Variants in TTC8 observed in about 807,000 individuals in gnomAD.
TTC8 encodes tetratricopeptide repeat protein 8.
A neutral mutation model predicts 72.5 loss-of-function variants in TTC8; 47 were observed. That is an observed-to-expected ratio of 0.65 (90% CI 0.51 to 0.83). The LOEUF (loss-of-function observed/expected upper bound fraction) is 0.83, where lower values mean the gene tolerates loss of function less well. TTC8 is among the 40% of genes least tolerant of loss of function. The pLI is 0.00. For synonymous variants in TTC8, 199 were observed against 221.4 expected (o/e 0.90, Z 0.90); for missense variants, 611 against 623.2 (o/e 0.98, Z 0.21).
intron 10 of TTC8, 149 bp from the exon 11 acceptor site, chr14:88,869,910 A>T: frequency 3.9e-6 from 3 of 764,452 alleles, no homozygotes; most frequent in Non-Finnish European, 6.4e-6. Flanking sequence ...TTTTGTTCAT[A>T]TTGTATCCCC....
chr14:88,843,987 T>C, intron 7 of TTC8, 137 bp downstream of exon 7: 1 of 665,408 alleles, frequency 1.5e-6, no homozygotes, highest in Non-Finnish European at 2.5e-6. Context: ...TACTTTAAAA[T>C]CCACCCTCAG....
At chr14:88,838,695 GTTTACA>G (rs1223135678) in intron 2 of TTC8, among the ~76,000 whole-genome samples, 1 of 152,130 alleles carries the variant, frequency 6.6e-6, no homozygotes, top group Non-Finnish European at 1.5e-5. Context: ...TGGTGTACAT[GTTTACA>G]TTGAATTTTT....
At chr14:88,864,618 CTG>C (rs1482316746) in intron 10 of TTC8, among the ~76,000 whole-genome samples, 2 of 152,156 alleles carry the variant, frequency 1.3e-5, no homozygotes, top group African/African-American at 4.8e-5. Context: ...TCTAAGTTGA[CTG>C]TACACTTGAA....
intron 7 of TTC8, among the ~76,000 whole-genome samples, chr14:88,849,273 T>C (rs970527486): frequency 1.3e-5 from 2 of 152,232 alleles, no homozygotes; most frequent in Non-Finnish European, 2.9e-5. Flanking sequence ...GTGGATCAGA[T>C]TGTTCCATTA....
At chr14:88,824,638 C>G, upstream of TTC8, 1 of 1,349,660 alleles carries the variant, frequency 7.4e-7, no homozygotes, top group Non-Finnish European at 1.0e-6. Flanking sequence ...GAGTCGGACG[C>G]CGCCAGCTCT....
chr14:88,836,979 T>G (rs1489885849), intron 2 of TTC8: 3 of 238,192 alleles, frequency 1.3e-5, no homozygotes, highest in African/African-American at 2.4e-5. Context: ...GAGAATTGCT[T>G]GAACCCAGGA....
chr14:88,876,080 C>A (rs1384303181), intron 14 of TTC8, among the ~76,000 whole-genome samples: 1 of 152,188 alleles, frequency 6.6e-6, no homozygotes, highest in Non-Finnish European at 1.5e-5. Flanking sequence ...GGTTAAAAGA[C>A]TTCTGCGTCC....
At chr14:88,840,716 A>G (rs952223906) in intron 3 of TTC8, 149 bp from the exon 4 acceptor site, 1 of 752,190 alleles carries the variant, frequency 1.3e-6, no homozygotes, top group South Asian at 1.6e-5. Flanking sequence ...CTCATTAAAT[A>G]TTAGTCTAAA....
Position 88,843,805 on chromosome 14 carries a change from G to T in TTC8, c.580-1G>T. ...TATTTTTGACACTTTTTTCTTCACA[G>T]GCTTTGTTTGAGTATATCTTTCATC... On this transcript the variant is annotated splice_acceptor_variant, in intron 6 of 14. Transcript: ENST00000380656. LOFTEE classifies it high-confidence loss of function. 6.3e-7 allele frequency: 1 copy of T among 1,593,354 alleles called. No individual in the cohort carries two copies.
Position 88,870,312 on chromosome 14 carries a change from C to T in TTC8, c.1049+114C>T, listed in dbSNP as rs534262147. ...AGGTATAGGCCATGTCTTTATGAAA[C>T]TCAAATGTCAACACTGAGATATATA... On this transcript the variant is annotated intron_variant, in intron 11 of 14. Transcript: ENST00000380656. 3.0e-5 allele frequency: 35 copies of T among 1,183,186 alleles called. No individual in the cohort carries two copies. In the South Asian group the frequency reaches 3.9e-4, roughly 13 times the overall value. The allele number at this position is 1,183,186 out of a possible 1,614,324, so 73.3% of individuals were successfully genotyped here. A position where few individuals can be genotyped will look rare whatever the true frequency, so the allele number is the denominator to read the frequency against.
chr14:88,832,155 C>T (rs1014445770), intron 1 of TTC8, among the ~76,000 whole-genome samples: 2 of 152,294 alleles, frequency 1.3e-5, no homozygotes, highest in Middle Eastern at 3.4e-3. Context: ...CACTCTTCAT[C>T]CACATGATCA....
intron 2 of TTC8, chr14:88,837,158 T>G (rs1442433870): frequency 5.6e-6 from 1 of 178,550 alleles, no homozygotes; most frequent in Non-Finnish European, 1.2e-5. Context: ...GGATAAAAAT[T>G]TACATACCTC....
At chr14:88,833,824 G>C in intron 2 of TTC8, 102 bp downstream of exon 2, 1 of 1,059,106 alleles carries the variant, frequency 9.4e-7, no homozygotes, top group Non-Finnish European at 1.5e-6. Flanking sequence ...TCTTCCTGTG[G>C]GTTTATAAAA....
intron 1 of TTC8, among the ~76,000 whole-genome samples, chr14:88,826,051 G>T (rs112873338): frequency 6.6e-6 from 1 of 151,586 alleles, no homozygotes; most frequent in African/African-American, 2.4e-5. Flanking sequence ...GGCACGGCGC[G>T]ATCTCGGCTG....
At chr14:88,831,337 T>G (rs1411194063) in intron 1 of TTC8, among the ~76,000 whole-genome samples, 1 of 152,166 alleles carries the variant, frequency 6.6e-6, no homozygotes, top group Non-Finnish European at 1.5e-5. Flanking sequence ...TTAATTTGCA[T>G]GTAATTGAAA....
chr14:88,824,897 T>A, intron 1 of TTC8, 76 bp downstream of exon 1: 1 of 1,390,200 alleles, frequency 7.2e-7, no homozygotes, highest in Non-Finnish European at 1.0e-6. Context: ...CAGCCCCGGG[T>A]TGGGAGGCCG....
chr14:88,834,844 TATAA>T (rs1261006628), intron 2 of TTC8, among the ~76,000 whole-genome samples: 1 of 152,212 alleles, frequency 6.6e-6, no homozygotes, highest in Non-Finnish European at 1.5e-5. Context: ...GTTTTAAAAC[TATAA>T]ATGGCATTTA....
rs557978677 is a variant in TTC8 at position 88,862,414 on chromosome 14, C to T, written c.909+1082C>T. ...GGTGTATTAGGTGATTCTTGCATTGCTATAACATTGGTATAAGAATGGACA... is the reference window on the plus strand; with the variant it reads ...GGTGTATTAGGTGATTCTTGCATTGTTATAACATTGGTATAAGAATGGACA... On this transcript the variant is annotated intron_variant, in intron 10 of 14. Coordinates refer to ENST00000380656, the MANE Select transcript of TTC8 (RefSeq NM_144596.4). 4.0e-5 allele frequency among the ~76,000 whole-genome samples: 6 copies of T among 149,112 alleles called. No homozygotes were observed. The South Asian group carries it at 1.3e-3, about 32-fold the overall frequency.
intron 10 of TTC8, among the ~76,000 whole-genome samples, chr14:88,864,870 G>A (rs2094903161): frequency 6.6e-6 from 1 of 152,150 alleles, no homozygotes; most frequent in Non-Finnish European, 1.5e-5. Context: ...ATTGGTTTTA[G>A]CACCGCAGCC....
Sources: gnomAD v4.1 joint callset for allele counts (sites outside exome capture counted in the v4.1 genomes callset) on GRCh38, gnomAD v4.1.1 for gene constraint, MANE v1.5 for transcripts, NCBI Gene and HGNC (gene_info 2026-07-23, HGNC 2026-07-21) for gene names.